Variants in EDC3 observed in about 807,000 individuals in gnomAD.
EDC3 encodes enhancer of mRNA decapping 3.
A neutral mutation model predicts 41.8 loss-of-function variants in EDC3; 20 were observed. The ratio of observed to expected loss-of-function variants is 0.48; its 90% CI spans 0.34 to 0.70. The LOEUF is 0.70. Among genes scored for constraint, EDC3 ranks in the 30% least tolerant of loss-of-function variants. EDC3 has a pLI of 0.01. For missense variants in EDC3, 444 were observed against 636.8 expected (o/e 0.70, Z 3.26); for synonymous variants, 206 against 243.2 (o/e 0.85, Z 1.42).
At position 74,632,263 on chromosome 15, in the gene EDC3, C is replaced by T; in HGVS notation, c.*349G>A. On this transcript the variant is annotated 3_prime_UTR_variant, in exon 7 of 7. Transcript: ENST00000315127. The surrounding 1 kb of genome is among the most constrained non-coding windows in gnomAD (Gnocchi z 4.0). ...ACAGGCCCCCAGACAGGACCTGGCC[C>T]ACTCTTCAATGTGTGTGCCCAGGCC... 3.1e-6 allele frequency: 1 copy of T among 319,012 alleles called. No individual in the cohort carries two copies. Among genetic ancestry groups the T allele is most frequent in the South Asian group, 3.9e-5 (1 of 25,770 alleles). The allele number at this position is 319,012 out of a possible 1,614,324, so 19.8% of individuals were successfully genotyped here. A position where few individuals can be genotyped will look rare whatever the true frequency, so the allele number is the denominator to read the frequency against.
At chr15:74,677,252 G>A (rs946507846) in intron 1 of EDC3, among the ~76,000 whole-genome samples, 2 of 151,740 alleles carry the variant, frequency 1.3e-5, no homozygotes, top group Non-Finnish European at 2.9e-5. Flanking sequence ...TAGTAGAGAC[G>A]GGGTTTCACC....
In EDC3 at chr15:74,688,284, A is replaced by C. The variant is rs141725090; in HGVS notation, c.-19+7596T>G. 3.8e-4 allele frequency among the ~76,000 whole-genome samples: 58 copies of C among 152,342 alleles called. 1 individual carries two copies. In the East Asian group the frequency reaches 0.01, roughly 27 times the overall value. ...ATACAGCTAACACCTCCACGTCAAA[A>C]GAAGTACAGGAGATACAGGAGCTAC... On this transcript the variant is annotated intron_variant, in intron 1 of 6. Transcript: ENST00000315127.
chr15:74,654,696 G>C (rs544625347), intron 4 of EDC3, among the ~76,000 whole-genome samples: 12 of 151,524 alleles, frequency 7.9e-5, no homozygotes, highest in African/African-American at 2.9e-4. Flanking sequence ...TTCTTAGCCT[G>C]ACAGTTGGCC....
chr15:74,657,576 G>C (rs984894926), intron 3 of EDC3, among the ~76,000 whole-genome samples: 1 of 152,250 alleles, frequency 6.6e-6, no homozygotes, highest in Non-Finnish European at 1.5e-5. Flanking sequence ...TTCAGTTTGA[G>C]TCTGAGTGTC....
In EDC3 at chr15:74,679,128, G is replaced by A. The variant is rs914063425; in HGVS notation, c.-18-3986C>T. 2.0e-5 allele frequency among the ~76,000 whole-genome samples: 3 copies of A among 151,920 alleles called. No homozygotes were observed. In the East Asian group the frequency reaches 5.8e-4, roughly 29 times the overall value. ...AGGAGAATGGCTTGAACCCAGGAGG[G>A]GAGGTTGCAGTTAGCCAAGATCGCG... On this transcript the variant is annotated intron_variant, in intron 1 of 6. Transcript: ENST00000315127.
intron 3 of EDC3, among the ~76,000 whole-genome samples, chr15:74,662,691 T>TA (rs2062634448): frequency 6.6e-6 from 1 of 152,108 alleles, no homozygotes; most frequent in Non-Finnish European, 1.5e-5. Flanking sequence ...CTGGAACTAT[T>TA]ACAATGACTG....
intron 1 of EDC3, among the ~76,000 whole-genome samples, chr15:74,688,226 C>G (rs567691271): frequency 3.3e-5 from 5 of 152,298 alleles, no homozygotes; most frequent in South Asian, 4.1e-4. Context: ...CAACTGGGTT[C>G]CTAATCGGAC....
intron 4 of EDC3, among the ~76,000 whole-genome samples, chr15:74,651,724 T>C (rs2062482666): frequency 6.6e-6 from 1 of 152,260 alleles, no homozygotes; most frequent in South Asian, 2.1e-4. Flanking sequence ...AAGTTACTTC[T>C]GTAAACTGCT....
At chr15:74,662,409 A>G (rs2062630541) in intron 3 of EDC3, among the ~76,000 whole-genome samples, 1 of 151,442 alleles carries the variant, frequency 6.6e-6, no homozygotes, top group South Asian at 2.1e-4. Context: ...ATTAAGAAAT[A>G]AAAACAGCAA....
At chr15:74,646,420 A>G (rs2062419980) in intron 4 of EDC3, among the ~76,000 whole-genome samples, 1 of 152,212 alleles carries the variant, frequency 6.6e-6, no homozygotes, top group South Asian at 2.1e-4. Flanking sequence ...ATAGGTGCAA[A>G]CTTCAGAAAA....
intron 1 of EDC3, among the ~76,000 whole-genome samples, chr15:74,686,038 C>A (rs1002391829): frequency 3.3e-5 from 5 of 151,980 alleles, no homozygotes; most frequent in African/African-American, 7.2e-5. Flanking sequence ...ACTAAAAATA[C>A]AAAATTGGCC....
intron 3 of EDC3, among the ~76,000 whole-genome samples, chr15:74,661,867 A>T (rs1273700807): frequency 6.6e-6 from 1 of 152,156 alleles, no homozygotes; most frequent in African/African-American, 2.4e-5. Context: ...TTTTAAAAAT[A>T]ATGTTTGTTA....
At chr15:74,668,222 G>A (rs1157906020) in intron 3 of EDC3, among the ~76,000 whole-genome samples, 2 of 152,146 alleles carry the variant, frequency 1.3e-5, no homozygotes, top group Non-Finnish European at 2.9e-5. Flanking sequence ...GCCAAGCAGA[G>A]AAATGACTAC....
chr15:74,693,405 G>A (rs1256444685), intron 1 of EDC3, among the ~76,000 whole-genome samples: 1 of 152,136 alleles, frequency 6.6e-6, no homozygotes, highest in Non-Finnish European at 1.5e-5. Context: ...AAACAGCACT[G>A]AGCAAATTAT....
Position 74,671,696 on chromosome 15 carries a change from TTGA to T in EDC3, c.240_242del (p.His80del). 6.2e-7 allele frequency: 1 copy of T among 1,614,152 alleles called. No individual in the cohort carries two copies. The highest frequency in any genetic ancestry group is 1.7e-5 in the Admixed American group (1 of 60,008). ...CAGCACCAGAGGGGCCTAATTCTGT[TTGA>T]TGAAGGTCTCCAAAATGTTGGTTGT... is the stretch of plus-strand genomic sequence containing the variant. On this transcript the variant is annotated inframe_deletion, in exon 3 of 7. Transcript: ENST00000315127. The surrounding 1 kb of genome is among the most constrained non-coding windows in gnomAD (Gnocchi z 4.6).
chr15:74,632,806 G>C lies in EDC3; in HGVS notation c.1333C>G (p.Pro445Ala), dbSNP rs1222599921. Residue 445 changes from proline to alanine, a missense_variant, in exon 7 of 7, where the codon CCT (proline) becomes GCT (alanine). Pro to Ala is a conservative substitution (Grantham distance 27). Around this residue, in one of 3 missense-constraint regions of EDC3, gnomAD observed 242 missense variants for 363.8 expected, o/e 0.67. Transcript: ENST00000315127. This position sits in a 1 kb window ranked among gnomAD's most constrained non-coding sequence, Gnocchi z 4.0. The stretch of plus-strand genomic sequence containing the variant: ...ATGCCCTGTTCGACTTCATGCACAG[G>C]AGGGTCTATGCTGAGTACTGGTGCC... ...NRAPVLSIDP[P>A]VHEVEQGIDA... 2 of 1,614,150 alleles carry C rather than the reference G, an allele frequency of 1.2e-6. No homozygotes were observed. Among genetic ancestry groups the C allele is most frequent in the South Asian group, 2.2e-5 (2 of 91,090 alleles).
intron 2 of EDC3, 74 bp downstream of exon 2, chr15:74,674,887 A>C: frequency 6.5e-7 from 1 of 1,547,492 alleles, no homozygotes; most frequent in Non-Finnish European, 8.9e-7. Flanking sequence ...CCAAGAGAAT[A>C]CTAGCAATCA....
chr15:74,660,402 T>G (rs1294917740), intron 3 of EDC3, among the ~76,000 whole-genome samples: 1 of 138,012 alleles, frequency 7.2e-6, no homozygotes, highest in Non-Finnish European at 1.5e-5. Flanking sequence ...AGAGTGAGAC[T>G]CCGTCTCCAA....
chr15:74,639,660 A>G (rs1348549456), intron 5 of EDC3: 2 of 150,972 alleles, frequency 1.3e-5, no homozygotes, highest in African/African-American at 4.9e-5. Flanking sequence ...AGTTGCAGTG[A>G]GCTGAGATTG....
Sources: allele counts gnomAD v4.1 joint callset (sites outside exome capture counted in the v4.1 genomes callset), GRCh38; gene constraint gnomAD v4.1.1; regional missense constraint gnomAD v4.1.1; non-coding constraint Gnocchi (gnomAD v3.1); transcripts MANE v1.5; gene names NCBI Gene and HGNC (gene_info 2026-07-23, HGNC 2026-07-21).